SYTL3: variants seen among roughly 807,000 people sequenced by gnomAD.
SYTL3 encodes the protein synaptotagmin-like protein 3.
A neutral mutation model predicts 82.1 loss-of-function variants in SYTL3; 88 were observed. That is an observed-to-expected ratio of 1.07 (90% confidence interval 0.90 to 1.28). SYTL3 has a LOEUF of 1.28. Ranked by LOEUF, SYTL3 falls within the 50% of genes most tolerant of loss-of-function variation. The probability of loss-of-function intolerance (pLI) is 0.00; values close to 1 mark genes in which losing one functional copy is unlikely to be tolerated. For missense variants in SYTL3, 831 were observed against 757.6 expected (o/e 1.10, Z -1.14); for synonymous variants, 311 against 289.4 (o/e 1.07, Z -0.76).
At chr6:158,707,624 C>T (rs1391914790) in intron 7 of SYTL3, among the ~76,000 whole-genome samples, 1 of 152,220 alleles carries the variant, frequency 6.6e-6, no homozygotes, top group Non-Finnish European at 1.5e-5. Context: ...TCATGCCTAT[C>T]TCTAACACCC....
chr6:158,672,527 G>T (rs1583182676), intron 5 of SYTL3, among the ~76,000 whole-genome samples: 1 of 147,104 alleles, frequency 6.8e-6, no homozygotes, highest in Non-Finnish European at 1.5e-5. Context: ...TGATTTTTAT[G>T]TAGAAGAAAC....
At chr6:158,715,755 A>G (rs1224464633) in intron 9 of SYTL3, among the ~76,000 whole-genome samples, 2 of 150,316 alleles carry the variant, frequency 1.3e-5, no homozygotes, top group Non-Finnish European at 3.0e-5. Flanking sequence ...CTGTTTCTGC[A>G]GGAACAGGAC....
chr6:158,751,580 A>G (rs528931916), intron 12 of SYTL3, among the ~76,000 whole-genome samples: 3 of 152,310 alleles, frequency 2.0e-5, no homozygotes, highest in African/African-American at 4.8e-5. Flanking sequence ...AGGGACGGGA[A>G]TCCGGCTCAT....
chr6:158,722,421 C>T (rs762911821), intron 10 of SYTL3, among the ~76,000 whole-genome samples: 7 of 152,118 alleles, frequency 4.6e-5, no homozygotes, highest in Non-Finnish European at 8.8e-5. Flanking sequence ...CTTAAAATCA[C>T]GCGGTGACTC....
At chr6:158,725,711 T>G (rs1784649390) in intron 11 of SYTL3, 74 bp downstream of exon 11, 5 of 1,536,912 alleles carry the variant, frequency 3.3e-6, no homozygotes, top group Non-Finnish European at 3.5e-6. Flanking sequence ...GTACAAGTCC[T>G]TATTTCAATT....
intron 11 of SYTL3, among the ~76,000 whole-genome samples, chr6:158,736,308 G>A (rs1452772566): frequency 1.3e-5 from 2 of 151,938 alleles, no homozygotes; most frequent in African/African-American, 2.4e-5. Context: ...CCAGGATCAC[G>A]CCACTGCACT....
chr6:158,683,812 G>A (rs1778997762), intron 6 of SYTL3, among the ~76,000 whole-genome samples: 1 of 152,236 alleles, frequency 6.6e-6, no homozygotes, highest in Non-Finnish European at 1.5e-5. Flanking sequence ...AGTGAAGAGC[G>A]TTTGAACTGA....
chr6:158,726,187 C>A, intron 11 of SYTL3: 2 of 426,218 alleles, frequency 4.7e-6, no homozygotes, highest in South Asian at 2.0e-5. Flanking sequence ...AAATCACTGC[C>A]ATACTTAGCA....
At chr6:158,648,605 A>AAT (rs1554234571), upstream of SYTL3, among the ~76,000 whole-genome samples, 3 of 104,770 alleles carry the variant, frequency 2.9e-5, no homozygotes, top group East Asian at 2.0e-4. Context: ...AAAAAAAAAA[A>AAT]AAAATAATAA....
chr6:158,751,373 G>A (rs996350531), intron 12 of SYTL3, among the ~76,000 whole-genome samples: 1 of 152,142 alleles, frequency 6.6e-6, no homozygotes, highest in Admixed American at 6.5e-5. Flanking sequence ...CTTCCTCTCC[G>A]CCTGGATTTC....
At chr6:158,750,619 G>A (rs983163084) in intron 12 of SYTL3, among the ~76,000 whole-genome samples, 1 of 152,094 alleles carries the variant, frequency 6.6e-6, no homozygotes, top group African/African-American at 2.4e-5. Context: ...CCTGGGCTCA[G>A]GTGATCCTCC....
At chr6:158,738,644 C>T (rs1314129605) in intron 11 of SYTL3, among the ~76,000 whole-genome samples, 1 of 152,120 alleles carries the variant, frequency 6.6e-6, no homozygotes, top group Non-Finnish European at 1.5e-5. Flanking sequence ...TCTCTCCCCA[C>T]CTCAGCTAAT....
rs1410128140 is a variant in SYTL3 at position 158,764,627 on chromosome 6, G to T, written c.*23G>T. On this transcript the variant is annotated 3_prime_UTR_variant, in exon 18 of 18. Transcript: ENST00000611299. Reference sequence around the variant, plus strand: ...TGACATGAAGGCCTCAAGGTTCCAGGTTGCAGCAGGCGTGAGGCACTGTGC... The same window carrying T: ...TGACATGAAGGCCTCAAGGTTCCAGTTTGCAGCAGGCGTGAGGCACTGTGC... 13 of 1,571,466 alleles carry T rather than the reference G, an allele frequency of 8.3e-6. No homozygotes were observed. The highest frequency in any genetic ancestry group is 1.1e-5 in the Non-Finnish European group (13 of 1,141,222).
intron 12 of SYTL3, among the ~76,000 whole-genome samples, chr6:158,746,226 C>A (rs1423019596): frequency 6.6e-6 from 1 of 151,944 alleles, no homozygotes; most frequent in African/African-American, 2.4e-5. Context: ...CATTGTAGGT[C>A]AGGCTTCAAC....
intron 15 of SYTL3, among the ~76,000 whole-genome samples, chr6:158,761,732 TC>T (rs1379202196): frequency 6.6e-6 from 1 of 152,194 alleles, no homozygotes; most frequent in Non-Finnish European, 1.5e-5. Context: ...CATCCCAACC[TC>T]CTAGACAGGG....
Position 158,757,212 on chromosome 6 carries a change from A to T in SYTL3, c.1139A>T (p.Tyr380Phe). Reference sequence around the variant, plus strand: ...ACCATCTCTTCCTTGCCTCTGCAGTATCAGGTGGCCCCTGCCCAGCTGGTG... The same window carrying T: ...ACCATCTCTTCCTTGCCTCTGCAGTTTCAGGTGGCCCCTGCCCAGCTGGTG... ...VDPTFQETLK[Y>F]QVAPAQLVTR... Residue 380 changes from tyrosine to phenylalanine, a missense_variant and splice_region_variant, in exon 14 of 18, where the codon TAT (tyrosine) becomes TTT (phenylalanine). Coordinates refer to ENST00000611299, the MANE Select transcript of SYTL3 (RefSeq NM_001242394.2). The T allele has an allele frequency of 6.2e-7, 1 of 1,607,638 alleles. No homozygotes were observed. Among genetic ancestry groups the T allele is most frequent in the Non-Finnish European group, 8.5e-7 (1 of 1,179,552 alleles).
At chr6:158,656,758 C>T (rs1264701947) in intron 2 of SYTL3, among the ~76,000 whole-genome samples, 1 of 151,950 alleles carries the variant, frequency 6.6e-6, no homozygotes, top group Non-Finnish European at 1.5e-5. Context: ...TACTCCCTTA[C>T]TCTATTGTTG....
chr6:158,728,414 A>C (rs1028285425), intron 11 of SYTL3, among the ~76,000 whole-genome samples: 5 of 152,110 alleles, frequency 3.3e-5, no homozygotes, highest in Admixed American at 6.5e-5. Flanking sequence ...AAATGTCCAC[A>C]TAAGTGTGGA....
chr6:158,657,267 A>G (rs2128353367), intron 2 of SYTL3, among the ~76,000 whole-genome samples: 1 of 152,052 alleles, frequency 6.6e-6, no homozygotes, highest in East Asian at 1.9e-4. Context: ...CTCTACTAAA[A>G]ATACAAAAAT....
Sources: gnomAD v4.1 joint callset for allele counts (sites outside exome capture counted in the v4.1 genomes callset) on GRCh38, gnomAD v4.1.1 for gene constraint, MANE v1.5 for transcripts, NCBI Gene and HGNC (gene_info 2026-07-23, HGNC 2026-07-21) for gene names.